The following ITGA11 variants were observed in gnomAD, a reference collection of about 807,000 sequenced individuals.
ITGA11 encodes integrin subunit alpha 11.
In ITGA11, 97 loss-of-function variants were observed where a neutral mutation model predicts 141.9. The observed-to-expected ratio is 0.68, with a 90% CI of 0.58 to 0.81. The LOEUF (loss-of-function observed/expected upper bound fraction) is 0.81. ITGA11 is among the 30% of genes least tolerant of loss of function. The pLI, the probability that ITGA11 is intolerant of heterozygous loss-of-function variation, is 0.00. For synonymous variants in ITGA11, 658 were observed against 624.6 expected (o/e 1.05, Z -0.80); for missense variants, 1,387 against 1,559.2 (o/e 0.89, Z 1.86).
intron 23 of ITGA11, 103 bp from the exon 24 acceptor site, chr15:68,312,966 A>T: frequency 1.3e-6 from 1 of 778,130 alleles, no homozygotes; most frequent in Non-Finnish European, 2.1e-6. Flanking sequence ...CCCCCGGGCC[A>T]CGAAAAACAG....
In ITGA11 at chr15:68,302,978, C is replaced by T. The variant is rs1048739308; in HGVS notation, c.*81G>A. The T allele has an allele frequency of 5.7e-5, 68 of 1,184,514 alleles. No homozygotes were observed. The highest frequency in any genetic ancestry group is 4.7e-4 in the Admixed American group (18 of 38,344). The allele number at this position is 1,184,514 out of a possible 1,614,324, so 73.4% of individuals were successfully genotyped here. ...AGCTGGCTTCCTCTCCGCTCCAGCT[C>T]GGTGGGGCCACAGGCCTGGGTCTCA... On this transcript the variant is annotated 3_prime_UTR_variant, in exon 30 of 30. Coordinates refer to ENST00000315757, the MANE Select transcript of ITGA11 (RefSeq NM_001004439.2).
rs937883825 is a variant in ITGA11, at chr15:68,328,912, C to T, written c.1902-650G>A. Among the ~76,000 whole-genome samples the T allele has an allele frequency of 6.6e-6, 1 of 152,194 alleles. No individual in the cohort carries two copies. Among genetic ancestry groups the T allele is most frequent in the African/African-American group, 2.4e-5 (1 of 41,440 alleles). On this transcript the variant is annotated intron_variant, in intron 15 of 29. Coordinates refer to ENST00000315757, the MANE Select transcript of ITGA11 (RefSeq NM_001004439.2). This position sits in a 1 kb window ranked among gnomAD's most constrained non-coding sequence, Gnocchi z 4.8. Reference sequence around the variant, plus strand: ...CCATCTAACCCCCACACTACCCCATCCAGGTAACCAAGGAAATACAAATTT... The same window carrying T: ...CCATCTAACCCCCACACTACCCCATTCAGGTAACCAAGGAAATACAAATTT...
chr15:68,348,905 A>C lies in ITGA11; in HGVS notation c.1061-5T>G. On this transcript the variant is annotated splice_region_variant and splice_polypyrimidine_tract_variant and intron_variant, in intron 9 of 29. Coordinates refer to ENST00000315757, the MANE Select transcript of ITGA11 (RefSeq NM_001004439.2). ...AGGTCTCGTTCTTGTTGGTGCCTGC[A>C]ACAGAGTGACAGAGAGATGTCAGCT... The C allele has an allele frequency of 6.2e-7, 1 of 1,603,576 alleles. No homozygotes were observed.
chr15:68,322,857 CAAA>C lies in ITGA11; in HGVS notation c.2323-1357_2323-1355del, dbSNP rs35071996. On this transcript the variant is annotated intron_variant, in intron 18 of 29. Transcript: ENST00000315757. This position sits in a 1 kb window ranked among gnomAD's most constrained non-coding sequence, Gnocchi z 5.6. ...TGGGTGACAGAGGGAGATACCATTT[CAAA>C]AAAAAAAAAAAAGAAAGTAGGGGTT... Among the ~76,000 whole-genome samples the C allele has an allele frequency of 1.6e-4, 21 of 134,622 alleles. No homozygotes were observed. Among genetic ancestry groups the C allele is most frequent in the Admixed American group, 2.9e-4 (4 of 13,846 alleles). 88.3% of individuals were successfully genotyped at this position (134,622 alleles called of 152,430 possible). A position where few individuals can be genotyped will look rare whatever the true frequency, so the allele number is the denominator to read the frequency against.
intron 1 of ITGA11, among the ~76,000 whole-genome samples, chr15:68,407,943 G>A (rs922478605): frequency 2.0e-5 from 3 of 152,186 alleles, no homozygotes; most frequent in Non-Finnish European, 2.9e-5. Flanking sequence ...GGGAGAGTTC[G>A]CTCCAGCTTA....
intron 2 of ITGA11, among the ~76,000 whole-genome samples, chr15:68,385,397 C>T (rs1200773250): frequency 6.6e-6 from 1 of 152,182 alleles, no homozygotes; most frequent in African/African-American, 2.4e-5. Flanking sequence ...GTGGCAGTGC[C>T]AGAGGGCAAC....
chr15:68,343,992 C>T (rs1438976785), intron 10 of ITGA11, among the ~76,000 whole-genome samples: 2 of 152,120 alleles, frequency 1.3e-5, no homozygotes, highest in African/African-American at 2.4e-5. Flanking sequence ...GGGACCTGGG[C>T]GTGCTACACT....
At chr15:68,317,729 A>G (rs1317614343) in intron 20 of ITGA11, among the ~76,000 whole-genome samples, 1 of 152,192 alleles carries the variant, frequency 6.6e-6, no homozygotes, top group East Asian at 1.9e-4. Context: ...TGCAGCGCCT[A>G]TCCCATGCCC....
chr15:68,387,869 C>T (rs1896024061), intron 2 of ITGA11, among the ~76,000 whole-genome samples: 1 of 152,128 alleles, frequency 6.6e-6, no homozygotes, highest in South Asian at 2.1e-4. Context: ...CCTTCTCTCT[C>T]CGCCTTCTCT....
intron 2 of ITGA11, among the ~76,000 whole-genome samples, chr15:68,388,944 C>T (rs935073626): frequency 6.6e-6 from 1 of 152,184 alleles, no homozygotes; most frequent in Non-Finnish European, 1.5e-5. Context: ...TTTGGCCTTA[C>T]TTCTCTGCTT....
Position 68,315,635 on chromosome 15 carries a change from CAGG to C in ITGA11, c.2792+13_2792+15del. 1 of 1,607,724 alleles carries C rather than the reference CAGG, an allele frequency of 6.2e-7. No individual in the cohort carries two copies. On this transcript the variant is annotated intron_variant, in intron 22 of 29. Coordinates refer to ENST00000315757, the MANE Select transcript of ITGA11 (RefSeq NM_001004439.2). ...AATAGCAAGCTTTGGGGAGAAGGAG[CAGG>C]CACGGCCCTGACCTGCCTGCAGCGA...
chr15:68,352,039 C>T (rs2140333472), intron 7 of ITGA11, among the ~76,000 whole-genome samples: 1 of 151,810 alleles, frequency 6.6e-6, no homozygotes, highest in South Asian at 2.1e-4. Flanking sequence ...GCCAAGATCG[C>T]ACCATTGCAC....
In ITGA11 at chr15:68,304,008, G is replaced by A; in HGVS notation, c.3382-123C>T. On this transcript the variant is annotated intron_variant, in intron 28 of 29. Transcript: ENST00000315757. This position sits in a 1 kb window ranked among gnomAD's most constrained non-coding sequence, Gnocchi z 6.1. ...GGGGGAGCTGCATCCTCTTCCTCAG[G>A]GGGATACCAGAGGGATGGGTGGACA... is the stretch of plus-strand genomic sequence containing the variant. 1.6e-6 allele frequency: 1 copy of A among 617,050 alleles called. No individual in the cohort carries two copies. The highest frequency in any genetic ancestry group is 1.9e-5 in the South Asian group (1 of 51,860). The allele number at this position is 617,050 out of a possible 1,614,324, so 38.2% of individuals were successfully genotyped here.
intron 21 of ITGA11, among the ~76,000 whole-genome samples, chr15:68,316,008 T>C (rs1893563054): frequency 6.6e-6 from 1 of 152,216 alleles, no homozygotes; most frequent in Non-Finnish European, 1.5e-5. Flanking sequence ...CTTTTGTTTT[T>C]AGCAAAAGGC....
At chr15:68,423,879 C>T (rs1897077899) in intron 1 of ITGA11, among the ~76,000 whole-genome samples, 2 of 152,012 alleles carry the variant, frequency 1.3e-5, no homozygotes, top group South Asian at 4.2e-4. Context: ...GAGTCAGGTG[C>T]TTCCTTCACC....
intron 7 of ITGA11, among the ~76,000 whole-genome samples, chr15:68,352,132 T>C (rs62001401): frequency 1 from 151,585 of 151,712 alleles, 75,729 homozygotes; most frequent in Middle Eastern, 1. Context: ...ACCATTGATG[T>C]CCAGGCCTCA....
chr15:68,307,384 G>T lies in ITGA11; in HGVS notation c.3345C>A (p.Ser1115Arg). 6.4e-7 allele frequency: 1 copy of T among 1,558,490 alleles called. No homozygotes were observed. Among genetic ancestry groups the T allele is most frequent in the South Asian group, 1.2e-5 (1 of 84,532 alleles). Residue 1115 changes from serine to arginine, a missense_variant, in exon 28 of 30, where the codon AGC becomes AGA. Coordinates refer to ENST00000315757, the MANE Select transcript of ITGA11 (RefSeq NM_001004439.2). The surrounding 1 kb of genome is among the most constrained non-coding windows in gnomAD (Gnocchi z 6.1). The part of the protein sequence containing the change: ...VNAALQRQFH[S>R]PFIFREEDPS... The stretch of plus-strand genomic sequence containing the variant: ...GATCCTCCTCACGGAAGATGAAGGG[G>T]CTGTGGAACTGCCTCTGCAAGGCTG...
chr15:68,328,110 T>C lies in ITGA11; in HGVS notation c.2054A>G (p.Gln685Arg). 5 of 1,613,450 alleles carry C rather than the reference T, an allele frequency of 3.1e-6. No individual in the cohort carries two copies. Among genetic ancestry groups the C allele is most frequent in the Non-Finnish European group, 4.2e-6 (5 of 1,179,714 alleles). Residue 685 changes from glutamine to arginine, a missense_variant, in exon 16 of 30, where the codon CAA (glutamine) becomes CGA (arginine). Gln to Arg is a conservative substitution (Grantham distance 43). Coordinates refer to ENST00000315757, the MANE Select transcript of ITGA11 (RefSeq NM_001004439.2). This position sits in a 1 kb window ranked among gnomAD's most constrained non-coding sequence, Gnocchi z 4.8. The stretch of plus-strand genomic sequence containing the variant: ...GCCTGCTTTACCAACAGTTGTTGTT[T>C]GGAAATGGGGTGCCAGGAAGATGGG... ...FTPIFLAPHF[Q>R]TTTVGIRYNA...
chr15:68,374,774 G>A (rs1469969143), intron 2 of ITGA11, among the ~76,000 whole-genome samples: 1 of 152,264 alleles, frequency 6.6e-6, no homozygotes, highest in African/African-American at 2.4e-5. Flanking sequence ...TGCCCAGGAA[G>A]GGAAGAATGT....
Sources: allele counts gnomAD v4.1 joint callset (sites outside exome capture counted in the v4.1 genomes callset), GRCh38; gene constraint gnomAD v4.1.1; non-coding constraint Gnocchi (gnomAD v3.1); transcripts MANE v1.5; gene names NCBI Gene and HGNC (gene_info 2026-07-23, HGNC 2026-07-21).